Variants in MMAB observed in about 807,000 individuals in gnomAD.
MMAB encodes corrinoid adenosyltransferase MMAB.
In MMAB, 17 loss-of-function variants were observed where a neutral mutation model predicts 30.6. The ratio of observed to expected loss-of-function variants is 0.56; its 90% CI spans 0.38 to 0.83. The LOEUF (loss-of-function observed/expected upper bound fraction) is 0.83, where lower values mean the gene tolerates loss of function less well. Among genes scored for constraint, MMAB ranks in the 40% least tolerant of loss-of-function variants. MMAB has a pLI of 0.00. For synonymous variants in MMAB, 134 were observed against 138.6 expected, an observed-to-expected ratio of 0.97 and a Z score of 0.23; for missense variants, 311 against 331.6, an observed-to-expected ratio of 0.94 and a Z score of 0.48.
rs1435567975 is a variant in MMAB at position 109,555,708 on chromosome 12, G to A, written c.*1320C>T. On this transcript the variant is annotated 3_prime_UTR_variant, in exon 9 of 9. Coordinates refer to ENST00000545712, the MANE Select transcript of MMAB (RefSeq NM_052845.4). ...TCTGCACCTCACCCACCCTGCCCAAGGCTCAAGAGGGCCATCACAGCCTGT... is the reference window on the plus strand; with the variant it reads ...TCTGCACCTCACCCACCCTGCCCAAAGCTCAAGAGGGCCATCACAGCCTGT... 2.2e-6 allele frequency: 1 copy of A among 453,888 alleles called. No homozygotes were observed. Among genetic ancestry groups the A allele is most frequent in the Admixed American group, 2.4e-5 (1 of 42,552 alleles). 28.1% of individuals were successfully genotyped at this position (453,888 alleles called of 1,614,324 possible).
At position 109,557,069 on chromosome 12, in the gene MMAB, A is replaced by G. The variant is rs975193925; in HGVS notation, c.712T>C (p.Tyr238His). 1 of 1,613,686 alleles carries G rather than the reference A, an allele frequency of 6.2e-7. No individual in the cohort carries two copies. The highest frequency in any genetic ancestry group is 1.3e-5 in the African/African-American group (1 of 74,914). Reference protein sequence around the residue: ...AMKEGNQEKIYMKNDPSAESE... With the variant: ...AMKEGNQEKIHMKNDPSAESE... ...TCGGCCGATGGGTCATTTTTCATGT[A>G]TATTTTCTCTTGATTCCCCTCCTTC... The change falls in exon 9 of 9, where the codon TAC (tyrosine) becomes CAC (histidine). Residue 238 changes from tyrosine (Y) to histidine (H), a missense_variant. Coordinates refer to ENST00000545712, the MANE Select transcript of MMAB (RefSeq NM_052845.4).
In MMAB at chr12:109,555,275, G is replaced by GTTGTTTTT; in HGVS notation, c.*1752_*1753insAAAAACAA. ...GAGCCTTAGTGATTGCGTTTTCAGG[G>GTTGTTTTT]TTTTTTTTTTTTTTTTTTTTTTTTT... is the stretch of plus-strand genomic sequence containing the variant. On this transcript the variant is annotated 3_prime_UTR_variant, in exon 9 of 9. Transcript: ENST00000545712. 2.9e-6 allele frequency: 1 copy of GTTGTTTTT among 340,818 alleles called. No homozygotes were observed. The highest frequency in any genetic ancestry group is 9.1e-5 in the East Asian group (1 of 11,010). 21.1% of individuals were successfully genotyped at this position (340,818 alleles called of 1,614,324 possible).
chr12:109,571,526 A>T, intron 2 of MMAB, 123 bp downstream of exon 2: 1 of 870,206 alleles, frequency 1.1e-6, no homozygotes, highest in Non-Finnish European at 1.9e-6. Context: ...TGCCGGGATT[A>T]CAGGCATGAG....
In MMAB at chr12:109,559,089, C is replaced by T. The variant is rs147637814; in HGVS notation, c.644+7G>A. 61 of 1,611,326 alleles carry T rather than the reference C, an allele frequency of 3.8e-5. No individual in the cohort carries two copies. Among genetic ancestry groups the T allele is most frequent in the African/African-American group, 5.3e-5 (4 of 74,992 alleles). ...CAGAGAGGAACCCCCAGGTTCCACG[C>T]GAGTACCTGTTTAAGAACTTGGCCA... On this transcript the variant is annotated splice_region_variant and intron_variant, in intron 8 of 8. Transcript: ENST00000545712.
chr12:109,561,175 G>C lies in MMAB; in HGVS notation c.520-71C>G. On this transcript the variant is annotated intron_variant, in intron 6 of 8. Transcript: ENST00000545712. This position sits in a 1 kb window ranked among gnomAD's most constrained non-coding sequence, Gnocchi z 5.3. ...GCCCACTGCGGACAGGAGCTCCTCTGAAGTCCAGCCCTGCCCCCCAAACCG... is the reference window on the plus strand; with the variant it reads ...GCCCACTGCGGACAGGAGCTCCTCTCAAGTCCAGCCCTGCCCCCCAAACCG... 3 of 1,597,082 alleles carry C rather than the reference G, an allele frequency of 1.9e-6. No homozygotes were observed. Among genetic ancestry groups the C allele is most frequent in the Non-Finnish European group, 2.5e-6 (3 of 1,176,542 alleles).
At position 109,573,372 on chromosome 12, in the gene MMAB, G is replaced by A. The variant is rs1884735250; in HGVS notation, c.109C>T (p.Pro37Ser). 6.8e-6 allele frequency: 11 copies of A among 1,612,976 alleles called. No individual in the cohort carries two copies. The highest frequency in any genetic ancestry group is 1.3e-5 in the African/African-American group (1 of 74,906). ...CTGTCCCCGTCTTCCACGCCCTGAG[G>A]GCCGCGGCTCTGGAAACGGGGATAC... ...LLYPRFQSRG[P>S]QGVEDGDRPQ... Residue 37 changes from proline (P) to serine (S), a missense_variant, in exon 1 of 9, where the codon CCT (proline) becomes TCT (serine). Coordinates refer to ENST00000545712, the MANE Select transcript of MMAB (RefSeq NM_052845.4).
rs952241987 is a variant in MMAB at position 109,558,317 on chromosome 12, C to G, written c.644+779G>C. On this transcript the variant is annotated intron_variant, in intron 8 of 8. Coordinates refer to ENST00000545712, the MANE Select transcript of MMAB (RefSeq NM_052845.4). This position sits in a 1 kb window ranked among gnomAD's most constrained non-coding sequence, Gnocchi z 4.3. ...GAAGGTGAAGTAGACCTGCTCCTCA[C>G]TCCCGGCGAAACCCCCCTCCCAGAA... is the stretch of plus-strand genomic sequence containing the variant. 3.3e-5 allele frequency among the ~76,000 whole-genome samples: 5 copies of G among 152,158 alleles called. No homozygotes were observed. The highest frequency in any genetic ancestry group is 1.2e-4 in the African/African-American group (5 of 41,416).
intron 7 of MMAB, 69 bp downstream of exon 7, chr12:109,560,971 C>T (rs1328782033): frequency 5.3e-6 from 3 of 560,814 alleles, no homozygotes; most frequent in African/African-American, 3.9e-5. Flanking sequence ...TCCTCTCCCT[C>T]TCCCTCCCCC....
chr12:109,572,846 CA>C (rs1164331633), intron 1 of MMAB, among the ~76,000 whole-genome samples: 1 of 152,062 alleles, frequency 6.6e-6, no homozygotes, highest in African/African-American at 2.4e-5. Flanking sequence ...GTGGCATTTT[CA>C]AAAAACAATG....
At chr12:109,564,701 CAG>C (rs1884353129) in intron 4 of MMAB, 2 of 288,392 alleles carry the variant, frequency 6.9e-6, no homozygotes, top group Non-Finnish European at 6.7e-6. Flanking sequence ...CGGCCTGAGA[CAG>C]GGTCTCAATC....
At chr12:109,568,405 A>C in intron 3 of MMAB, 1 of 324,376 alleles carries the variant, frequency 3.1e-6, no homozygotes, top group South Asian at 3.4e-5. Context: ...TTATGTAAAA[A>C]ACAACAGTCA....
intron 1 of MMAB, 26 bp from the exon 2 acceptor site, chr12:109,571,736 T>C: frequency 2.5e-6 from 4 of 1,605,746 alleles, no homozygotes; most frequent in Non-Finnish European, 1.7e-6. Context: ...CATCAGTATC[T>C]GGTGAGTGGG....
chr12:109,559,143 A>G lies in MMAB; in HGVS notation c.597T>C (p.Leu199=). 1 of 1,613,780 alleles carries G rather than the reference A, an allele frequency of 6.2e-7. No individual in the cohort carries two copies. The highest frequency in any genetic ancestry group is 8.5e-7 in the Non-Finnish European group (1 of 1,179,756). Residue 199 remains leucine (L), a synonymous_variant, in exon 8 of 9, where the codon CTT becomes CTC. Transcript: ENST00000545712. ...TCGCATCGGTCTCTCCCATCTGGACAAGAGGCACCACACTAGAAAGGGAGG... is the reference window on the plus strand; with the variant it reads ...TCGCATCGGTCTCTCCCATCTGGACGAGAGGCACCACACTAGAAAGGGAGG... ...CRRAERRVVP[L]VQMGETDANV...
Position 109,561,549 on chromosome 12 carries a change from T to C in MMAB, c.422-32A>G, listed in dbSNP as rs1354193975. ...AGCCAAGGAGCAGAGGGAACTGCCA[T>C]GAGGCCATCACCCACCAGACCATGG... On this transcript the variant is annotated intron_variant, in intron 5 of 8. Coordinates refer to ENST00000545712, the MANE Select transcript of MMAB (RefSeq NM_052845.4). The surrounding 1 kb of genome is among the most constrained non-coding windows in gnomAD (Gnocchi z 5.3). 6.6e-7 allele frequency: 1 copy of C among 1,524,576 alleles called. No individual in the cohort carries two copies. Among genetic ancestry groups the C allele is most frequent in the Admixed American group, 2.0e-5 (1 of 50,986 alleles). The allele number at this position is 1,524,576 out of a possible 1,614,324, so 94.4% of individuals were successfully genotyped here.
chr12:109,556,085 T>C lies in MMAB; in HGVS notation c.*943A>G. On this transcript the variant is annotated 3_prime_UTR_variant, in exon 9 of 9. Transcript: ENST00000545712. ...TTCTGCCCTTCATAAATATTGCCTT[T>C]CCCAAGGACACTGCTGGCACTGGCA... The C allele has an allele frequency of 2.2e-6, 1 of 453,906 alleles. No homozygotes were observed. The highest frequency in any genetic ancestry group is 4.4e-6 in the Non-Finnish European group (1 of 226,708). 28.1% of individuals were successfully genotyped at this position (453,906 alleles called of 1,614,324 possible). A position where few individuals can be genotyped will look rare whatever the true frequency, so the allele number is the denominator to read the frequency against.
chr12:109,568,435 T>A (rs1315120409), intron 3 of MMAB: 3 of 413,780 alleles, frequency 7.3e-6, no homozygotes, highest in African/African-American at 6.0e-5. Context: ...TCACATTGGA[T>A]GTACTGTGCA....
In MMAB at chr12:109,561,303, T is replaced by TG; in HGVS notation, c.519+116dup. 6.4e-7 allele frequency: 1 copy of TG among 1,558,210 alleles called. No homozygotes were observed. The highest frequency in any genetic ancestry group is 8.6e-7 in the Non-Finnish European group (1 of 1,159,152). ...GGACCGGTGAGGACCTGGAGGGACT[T>TG]GGGGAACTGGAGGACAGCGTCTGTC... On this transcript the variant is annotated intron_variant, in intron 6 of 8. Coordinates refer to ENST00000545712, the MANE Select transcript of MMAB (RefSeq NM_052845.4). This position sits in a 1 kb window ranked among gnomAD's most constrained non-coding sequence, Gnocchi z 5.3.
At chr12:109,562,406 C>T (rs1437539588) in intron 4 of MMAB, among the ~76,000 whole-genome samples, 1 of 152,206 alleles carries the variant, frequency 6.6e-6, no homozygotes, top group Non-Finnish European at 1.5e-5. Context: ...CATTTGAAAG[C>T]AAACTCTGAA....
chr12:109,568,616 G>A, intron 3 of MMAB, 154 bp downstream of exon 3: 1 of 728,316 alleles, frequency 1.4e-6, no homozygotes, highest in Non-Finnish European at 2.5e-6. Context: ...CAGCCTTGTG[G>A]AGCTGACCAG....
Sources: allele counts gnomAD v4.1 joint callset (sites outside exome capture counted in the v4.1 genomes callset), GRCh38; gene constraint gnomAD v4.1.1; non-coding constraint Gnocchi (gnomAD v3.1); transcripts MANE v1.5; gene names NCBI Gene and HGNC (gene_info 2026-07-23, HGNC 2026-07-21).